Variants in THEMIS2 observed in about 807,000 individuals in gnomAD.
THEMIS2 encodes the protein thymocyte selection associated family member 2.
THEMIS2 carries 29 observed loss-of-function variants against 46.8 expected under a neutral mutation model. The observed-to-expected ratio is 0.62, with a 90% confidence interval of 0.46 to 0.84. THEMIS2 has a LOEUF of 0.84. Ranked by LOEUF, THEMIS2 falls within the 40% of genes least tolerant of loss-of-function variation. The pLI, the probability that THEMIS2 is intolerant of heterozygous loss-of-function variation, is 0.00. For missense variants in THEMIS2, 698 were observed against 834.7 expected (o/e 0.84, Z 2.02); for synonymous variants, 335 against 349.1 (o/e 0.96, Z 0.45).
In THEMIS2 at chr1:27,882,074, C is replaced by T. The variant is rs762490898; in HGVS notation, c.750C>T (p.Ser250=). Residue 250 remains serine, a synonymous_variant, in exon 4 of 6, where the codon AGC becomes AGT. Coordinates refer to ENST00000373921, the MANE Select transcript of THEMIS2 (RefSeq NM_001105556.3). The surrounding 1 kb of genome is among the most constrained non-coding windows in gnomAD (Gnocchi z 7.6). ...HVHFIKPLLL[S]EVLAWEGPFP... ...ACTTTATCAAACCGCTGCTGCTGAG[C>T]GAGGTCCTGGCCTGGGAAGGCCCTT... is the stretch of plus-strand genomic sequence containing the variant. 31 of 1,614,234 alleles carry T rather than the reference C, an allele frequency of 1.9e-5. No individual in the cohort carries two copies. The highest frequency in any genetic ancestry group is 5.5e-5 in the South Asian group (5 of 91,088).
At position 27,886,038 on chromosome 1, in the gene THEMIS2, G is replaced by C. The variant is rs553286904; in HGVS notation, c.*116G>C. ...TCTCACAGAAACTGAGCTGCAGACG[G>C]GGAGTAGCTTTGTGGAAACTGATTT... is the stretch of plus-strand genomic sequence containing the variant. On this transcript the variant is annotated 3_prime_UTR_variant, in exon 6 of 6. Transcript: ENST00000373921. The C allele has an allele frequency of 2.1e-6, 2 of 937,692 alleles. No homozygotes were observed. The highest frequency in any genetic ancestry group is 1.7e-5 in the African/African-American group (1 of 60,598). 58.1% of individuals were successfully genotyped at this position (937,692 alleles called of 1,614,324 possible).
Position 27,872,655 on chromosome 1 carries a change from C to A in THEMIS2, c.84C>A (p.Val28=). Residue 28 remains valine, a synonymous_variant, in exon 1 of 6, where the codon GTC becomes GTA. Coordinates refer to ENST00000373921, the MANE Select transcript of THEMIS2 (RefSeq NM_001105556.3). This position sits in a 1 kb window ranked among gnomAD's most constrained non-coding sequence, Gnocchi z 4.9. ...GCGTGCTGCGGGTCTGCTCGGGGGTCTACTTCGAGGGTGAGCGGGGGCTGG... is the reference window on the plus strand; with the variant it reads ...GCGTGCTGCGGGTCTGCTCGGGGGTATACTTCGAGGGTGAGCGGGGGCTGG... ...LPRVLRVCSG[V]YFEGSIYEIS... 1 of 1,416,266 alleles carries A rather than the reference C, an allele frequency of 7.1e-7. No homozygotes were observed. The highest frequency in any genetic ancestry group is 9.2e-7 in the Non-Finnish European group (1 of 1,081,436). 87.7% of individuals were successfully genotyped at this position (1,416,266 alleles called of 1,614,324 possible).
chr1:27,875,131 T>A (rs2089554019), intron 1 of THEMIS2, among the ~76,000 whole-genome samples: 1 of 151,918 alleles, frequency 6.6e-6, no homozygotes, highest in South Asian at 2.1e-4. Flanking sequence ...GGTGCCAACC[T>A]CCACACTGGG....
intron 1 of THEMIS2, among the ~76,000 whole-genome samples, chr1:27,873,624 G>C (rs534808326): frequency 2.6e-5 from 4 of 152,132 alleles, no homozygotes; most frequent in East Asian, 3.9e-4. Flanking sequence ...CCCGCAGGGG[G>C]CCACCACCTC....
At position 27,882,570 on chromosome 1, in the gene THEMIS2, A is replaced by T. The variant is rs748717935; in HGVS notation, c.1246A>T (p.Ser416Cys). The change falls in exon 4 of 6, where the codon AGC becomes TGC. Residue 416 changes from serine to cysteine, a missense_variant. Transcript: ENST00000373921. The surrounding 1 kb of genome is among the most constrained non-coding windows in gnomAD (Gnocchi z 7.6). ...EEEECKEEAESPERVLLPFHF... is the reference protein window; with the variant it reads ...EEEECKEEAECPERVLLPFHF... ...GGAAGAGTGCAAAGAGGAGGCAGAG[A>T]GCCCAGAGCGGGTCCTGCTGCCCTT... 9.3e-6 allele frequency: 15 copies of T among 1,613,932 alleles called. No individual in the cohort carries two copies. The South Asian group carries it at 1.4e-4, about 15-fold the overall frequency.
chr1:27,884,122 A>G (rs1238144770), intron 4 of THEMIS2: 3 of 151,956 alleles, frequency 2.0e-5, no homozygotes, highest in African/African-American at 4.9e-5. Context: ...GTCCCAACCA[A>G]TTCTCACAGT....
chr1:27,873,948 C>T (rs1012434340), intron 1 of THEMIS2, among the ~76,000 whole-genome samples: 5 of 150,980 alleles, frequency 3.3e-5, no homozygotes, highest in African/African-American at 7.3e-5. Flanking sequence ...TAGGGGCAGG[C>T]GTCTACAGGG....
Position 27,882,195 on chromosome 1 carries a change from G to T in THEMIS2, c.871G>T (p.Val291Phe). The T allele has an allele frequency of 6.2e-7, 1 of 1,613,598 alleles. No homozygotes were observed. The highest frequency in any genetic ancestry group is 8.5e-7 in the Non-Finnish European group (1 of 1,179,748). ...CTTGCAAAAAGGCCAGAGGCTTTGC[G>T]TCTATGGCCTAGCCTCACCACCCTG... ...GSLQKGQRLCVYGLASPPWRV... is the reference protein window; with the variant it reads ...GSLQKGQRLCFYGLASPPWRV... The change falls in exon 4 of 6, where the codon GTC becomes TTC. Residue 291 changes from valine (V) to phenylalanine (F), a missense_variant. Physicochemically the swap from Val to Phe is conservative, Grantham distance 50. Coordinates refer to ENST00000373921, the MANE Select transcript of THEMIS2 (RefSeq NM_001105556.3). The surrounding 1 kb of genome is among the most constrained non-coding windows in gnomAD (Gnocchi z 7.6).
At chr1:27,884,104 T>A (rs986533505) in intron 4 of THEMIS2, 1 of 152,026 alleles carries the variant, frequency 6.6e-6, no homozygotes, top group Non-Finnish European at 1.5e-5. Flanking sequence ...AGGCCCCTGA[T>A]ATGCTTTGTC....
intron 1 of THEMIS2, among the ~76,000 whole-genome samples, chr1:27,876,237 G>A (rs2089576320): frequency 6.6e-6 from 1 of 151,594 alleles, no homozygotes. Flanking sequence ...GATTCACTGG[G>A]TTATTTACTG....
intron 1 of THEMIS2, among the ~76,000 whole-genome samples, chr1:27,875,919 G>A (rs1384277408): frequency 2.0e-5 from 3 of 151,836 alleles, no homozygotes; most frequent in Admixed American, 6.6e-5. Context: ...AGCCAGGATG[G>A]TCTCGATCTC....
chr1:27,874,178 C>A (rs924447456), intron 1 of THEMIS2, among the ~76,000 whole-genome samples: 1 of 151,740 alleles, frequency 6.6e-6, no homozygotes, highest in East Asian at 1.9e-4. Context: ...ACCACAGGCA[C>A]GCACCAGGAC....
At chr1:27,878,968 T>C (rs1050097597) in intron 2 of THEMIS2, among the ~76,000 whole-genome samples, 5 of 152,212 alleles carry the variant, frequency 3.3e-5, no homozygotes, top group Non-Finnish European at 5.9e-5. Context: ...CCAGTACTTA[T>C]GTAGAATATC....
At chr1:27,878,458 T>G (rs2089622529) in intron 2 of THEMIS2, among the ~76,000 whole-genome samples, 1 of 152,118 alleles carries the variant, frequency 6.6e-6, no homozygotes, top group Non-Finnish European at 1.5e-5. Flanking sequence ...GTGTTGGCAT[T>G]ACAGGCGTGA....
Position 27,886,220 on chromosome 1 carries a change from CCCA to C in THEMIS2, c.*301_*303del. The C allele has an allele frequency of 2.4e-6, 1 of 422,166 alleles. No individual in the cohort carries two copies. Among genetic ancestry groups the C allele is most frequent in the Non-Finnish European group, 4.3e-6 (1 of 230,172 alleles). The allele number at this position is 422,166 out of a possible 1,614,324, so 26.2% of individuals were successfully genotyped here. The stretch of plus-strand genomic sequence containing the variant: ...CTCTCAATCCTGCAACCCCAGCTGT[CCCA>C]CCGGTGGATGCAGAGGGGAATCCGA... On this transcript the variant is annotated 3_prime_UTR_variant, in exon 6 of 6. Coordinates refer to ENST00000373921, the MANE Select transcript of THEMIS2 (RefSeq NM_001105556.3).
At chr1:27,883,283 G>T in intron 4 of THEMIS2, 1 of 540,250 alleles carries the variant, frequency 1.9e-6, no homozygotes, top group South Asian at 2.4e-5. Flanking sequence ...CAGGGTCCCT[G>T]TTAATAAGTG....
Position 27,872,674 on chromosome 1 carries a change from G to T in THEMIS2, c.94+9G>T. On this transcript the variant is annotated intron_variant, in intron 1 of 5. Transcript: ENST00000373921. This position sits in a 1 kb window ranked among gnomAD's most constrained non-coding sequence, Gnocchi z 4.9. ...GGGGGTCTACTTCGAGGGTGAGCGGGGGCTGGAACCCCTCCGAGCACTCCC... is the reference window on the plus strand; with the variant it reads ...GGGGGTCTACTTCGAGGGTGAGCGGTGGCTGGAACCCCTCCGAGCACTCCC... The T allele has an allele frequency of 7.3e-7, 1 of 1,362,686 alleles. No homozygotes were observed. Among genetic ancestry groups the T allele is most frequent in the Non-Finnish European group, 9.5e-7 (1 of 1,052,300 alleles). The allele number at this position is 1,362,686 out of a possible 1,614,324, so 84.4% of individuals were successfully genotyped here.
chr1:27,879,509 T>C (rs1216524306), intron 2 of THEMIS2, 135 bp from the exon 3 acceptor site: 5 of 760,244 alleles, frequency 6.6e-6, no homozygotes, highest in South Asian at 1.9e-5. Flanking sequence ...CAGATGCAAA[T>C]CTGTCATTGA....
chr1:27,881,429 C>T (rs1318343449), intron 3 of THEMIS2, among the ~76,000 whole-genome samples: 2 of 149,866 alleles, frequency 1.3e-5, no homozygotes, highest in Admixed American at 1.3e-4. Context: ...CCAGCCTGAG[C>T]GACAAGAGCG....
Sources: gnomAD v4.1 joint callset for allele counts (sites outside exome capture counted in the v4.1 genomes callset) on GRCh38, gnomAD v4.1.1 for gene constraint, Gnocchi (gnomAD v3.1) non-coding constraint, MANE v1.5 for transcripts, NCBI Gene and HGNC (gene_info 2026-07-23, HGNC 2026-07-21) for gene names.